The following ENOX1 variants were observed in gnomAD, a reference collection of about 807,000 sequenced individuals.
ENOX1 encodes the protein ecto-NOX disulfide-thiol exchanger 1, also known as candidate growth-related and time keeping constitutive hydroquinone (NADH) oxidase.
In ENOX1, 42 loss-of-function variants were observed where a neutral mutation model predicts 82.5. The observed-to-expected ratio is 0.51, with a 90% confidence interval of 0.40 to 0.66. The LOEUF is 0.66. Ranked by LOEUF, ENOX1 falls within the 30% of genes least tolerant of loss-of-function variation. The pLI is 0.00. For missense variants in ENOX1, 608 were observed against 811.6 expected, an observed-to-expected ratio of 0.75 and a Z score of 3.05; for synonymous variants, 271 against 282.2, an observed-to-expected ratio of 0.96 and a Z score of 0.40.
chr13:43,480,679 AT>A (rs1472362325), intron 3 of ENOX1, among the ~76,000 whole-genome samples: 1 of 152,200 alleles, frequency 6.6e-6, no homozygotes, highest in East Asian at 1.9e-4. Context: ...TATCACTGAT[AT>A]CACAGAAATA....
chr13:43,539,160 C>T (rs954267320), intron 2 of ENOX1, among the ~76,000 whole-genome samples: 2 of 152,086 alleles, frequency 1.3e-5, no homozygotes, highest in Admixed American at 1.3e-4. Context: ...ACATTTATTT[C>T]TTGTTTTTGT....
chr13:43,431,726 G>A (rs1028492487), intron 3 of ENOX1, among the ~76,000 whole-genome samples: 4 of 152,052 alleles, frequency 2.6e-5, no homozygotes, highest in South Asian at 2.1e-4. Flanking sequence ...TAAACACACC[G>A]TATTAATCAT....
intron 1 of ENOX1, among the ~76,000 whole-genome samples, chr13:43,698,268 C>T (rs2086736362): frequency 6.6e-6 from 1 of 152,208 alleles, no homozygotes; most frequent in African/African-American, 2.4e-5. Flanking sequence ...CTTTAGTTTT[C>T]AGCAACCAAT....
intron 2 of ENOX1, among the ~76,000 whole-genome samples, chr13:43,549,576 C>A (rs938339739): frequency 6.6e-6 from 1 of 152,104 alleles, no homozygotes; most frequent in African/African-American, 2.4e-5. Context: ...AAAATAGTTA[C>A]GGCACAAAAA....
intron 3 of ENOX1, among the ~76,000 whole-genome samples, chr13:43,455,292 A>C (rs2057172312): frequency 6.6e-6 from 1 of 152,136 alleles, no homozygotes; most frequent in African/African-American, 2.4e-5. Flanking sequence ...GGCCACTACT[A>C]TTCCTTTTAC....
intron 1 of ENOX1, among the ~76,000 whole-genome samples, chr13:43,708,633 A>G (rs1408264504): frequency 6.6e-6 from 1 of 152,218 alleles, no homozygotes; most frequent in Non-Finnish European, 1.5e-5. Context: ...CAACAGAAGC[A>G]CCAAGGTAAT....
chr13:43,503,938 G>A (rs867415260), intron 2 of ENOX1, among the ~76,000 whole-genome samples: 3 of 151,678 alleles, frequency 2.0e-5, no homozygotes, highest in Middle Eastern at 3.4e-3. Flanking sequence ...TTGCAAAATG[G>A]GGGAAAATAA....
Position 43,461,036 on chromosome 13 carries a change from A to G in ENOX1, c.-75+22973T>C, listed in dbSNP as rs536167934. On this transcript the variant is annotated intron_variant, in intron 3 of 16. Coordinates refer to ENST00000690772, the MANE Select transcript of ENOX1 (RefSeq NM_001347969.2). ...TTAATGACCTTTAAGTTTCCTTTAC[A>G]CTGGTGGTTCTCAATTCTGGTTTCT... is the stretch of plus-strand genomic sequence containing the variant. Among the ~76,000 whole-genome samples, 6 of 152,208 alleles carry G rather than the reference A, an allele frequency of 3.9e-5. No individual in the cohort carries two copies. The East Asian group carries it at 1.2e-3, about 29-fold the overall frequency.
At chr13:43,371,067 T>G (rs1306020923) in intron 5 of ENOX1, among the ~76,000 whole-genome samples, 4 of 152,140 alleles carry the variant, frequency 2.6e-5, no homozygotes, top group Non-Finnish European at 2.9e-5. Context: ...CATCCCTATC[T>G]CATTAGCCGA....
At chr13:43,664,928 G>C (rs1006025873) in intron 2 of ENOX1, among the ~76,000 whole-genome samples, 1 of 152,152 alleles carries the variant, frequency 6.6e-6, no homozygotes, top group Non-Finnish European at 1.5e-5. Flanking sequence ...ATCCACTGCT[G>C]TCTAAGCCAA....
At chr13:43,341,223 G>T (rs2049035774) in intron 9 of ENOX1, among the ~76,000 whole-genome samples, 1 of 151,870 alleles carries the variant, frequency 6.6e-6, no homozygotes, top group African/African-American at 2.4e-5. Context: ...TTTGAACCCG[G>T]AGGCAGAGGT....
At chr13:43,324,571 G>A (rs1300380128) in intron 10 of ENOX1, among the ~76,000 whole-genome samples, 1 of 152,126 alleles carries the variant, frequency 6.6e-6, no homozygotes, top group South Asian at 2.1e-4. Flanking sequence ...TCAATTCAGC[G>A]ACATGCAAGA....
At chr13:43,292,632 A>G (rs984349404) in intron 12 of ENOX1, among the ~76,000 whole-genome samples, 1 of 151,590 alleles carries the variant, frequency 6.6e-6, no homozygotes, top group African/African-American at 2.4e-5. Context: ...TTAAAAAAAA[A>G]AACCCTATAA....
intron 2 of ENOX1, among the ~76,000 whole-genome samples, chr13:43,540,184 T>C (rs2078646505): frequency 6.6e-6 from 1 of 152,224 alleles, no homozygotes; most frequent in Non-Finnish European, 1.5e-5. Flanking sequence ...TCTACCATCT[T>C]AGCATCTACT....
chr13:43,424,563 C>T (rs541763385), intron 3 of ENOX1, among the ~76,000 whole-genome samples: 1 of 152,286 alleles, frequency 6.6e-6, no homozygotes, highest in East Asian at 1.9e-4. Flanking sequence ...ACTCTTTAAA[C>T]AAATGTGCTC....
chr13:43,755,081 T>TA (rs34738406), intron 1 of ENOX1, among the ~76,000 whole-genome samples: 4,902 of 147,510 alleles, frequency 0.033, 210 homozygotes, highest in East Asian at 0.22. Context: ...CTCAGGAGAT[T>TA]AAAAAAAAAA....
At chr13:43,363,133 C>T (rs527667510) in intron 5 of ENOX1, among the ~76,000 whole-genome samples, 1 of 152,254 alleles carries the variant, frequency 6.6e-6, no homozygotes, top group East Asian at 1.9e-4. Flanking sequence ...AACTGACACA[C>T]AAAAGACTTA....
At chr13:43,489,046 T>C (rs1034634035) in intron 2 of ENOX1, among the ~76,000 whole-genome samples, 1 of 151,668 alleles carries the variant, frequency 6.6e-6, no homozygotes, top group African/African-American at 2.4e-5. Flanking sequence ...ACCAAGTGCA[T>C]GACCAAGTGA....
intron 3 of ENOX1, among the ~76,000 whole-genome samples, chr13:43,419,690 G>A (rs2054857781): frequency 6.6e-6 from 1 of 152,184 alleles, no homozygotes; most frequent in Non-Finnish European, 1.5e-5. Context: ...GTTGATACCA[G>A]GCCAGGCACG....
Sources: allele counts gnomAD v4.1 joint callset (sites outside exome capture counted in the v4.1 genomes callset), GRCh38; gene constraint gnomAD v4.1.1; transcripts MANE v1.5; gene names NCBI Gene and HGNC (gene_info 2026-07-23, HGNC 2026-07-21).